EPHA3: variants seen among roughly 807,000 people sequenced by gnomAD.
The protein encoded by EPHA3 is ephrin type-A receptor 3.
A neutral mutation model predicts 107.1 loss-of-function variants in EPHA3; 42 were observed. The observed-to-expected ratio is 0.39, with a 90% CI of 0.31 to 0.51. EPHA3 has a LOEUF of 0.51. Among genes scored for constraint, EPHA3 ranks in the 20% least tolerant of loss-of-function variants. The pLI, the probability that EPHA3 is intolerant of heterozygous loss-of-function variation, is 0.78. For missense variants in EPHA3, 1,183 were observed against 1,211.2 expected (o/e 0.98, Z 0.35); for synonymous variants, 461 against 424.8 (o/e 1.09, Z -1.05).
chr3:89,352,410 T>A (rs1217514955), intron 5 of EPHA3, among the ~76,000 whole-genome samples: 2 of 151,410 alleles, frequency 1.3e-5, no homozygotes, highest in African/African-American at 4.8e-5. Context: ...ATTTTTGACC[T>A]TTAAGACCAC....
At chr3:89,184,983 C>G (rs1705530638) in intron 2 of EPHA3, among the ~76,000 whole-genome samples, 1 of 151,898 alleles carries the variant, frequency 6.6e-6, no homozygotes, top group Non-Finnish European at 1.5e-5. Context: ...ATTAAAAAGC[C>G]AACTTCTTAT....
At chr3:89,368,003 A>G (rs1708217038) in intron 5 of EPHA3, among the ~76,000 whole-genome samples, 1 of 150,472 alleles carries the variant, frequency 6.6e-6, no homozygotes. Context: ...TGACCAAGGC[A>G]TGGCTCACAT....
chr3:89,365,793 C>G (rs1409095447), intron 5 of EPHA3, among the ~76,000 whole-genome samples: 1 of 150,714 alleles, frequency 6.6e-6, no homozygotes, highest in African/African-American at 2.4e-5. Context: ...TCTGCCTCCA[C>G]TTTCCCTTGA....
At chr3:89,180,376 G>A (rs919580150) in intron 2 of EPHA3, among the ~76,000 whole-genome samples, 4 of 151,672 alleles carry the variant, frequency 2.6e-5, no homozygotes, top group African/African-American at 9.7e-5. Context: ...TGATTTTCAA[G>A]TCTGTGTGTA....
At chr3:89,456,643 G>A (rs1189177378) in intron 15 of EPHA3, among the ~76,000 whole-genome samples, 1 of 152,138 alleles carries the variant, frequency 6.6e-6, no homozygotes, top group Non-Finnish European at 1.5e-5. Flanking sequence ...TGGAAGTGGG[G>A]AAGGTGGAAA....
At chr3:89,322,936 G>T (rs1336729495) in intron 3 of EPHA3, among the ~76,000 whole-genome samples, 1 of 151,576 alleles carries the variant, frequency 6.6e-6, no homozygotes, top group Admixed American at 6.6e-5. Flanking sequence ...AGTAGGGTGT[G>T]GCAAAGGACT....
chr3:89,208,572 AAG>A (rs1010430350), intron 2 of EPHA3, among the ~76,000 whole-genome samples: 10 of 138,096 alleles, frequency 7.2e-5, no homozygotes, highest in Non-Finnish European at 1.1e-4. Context: ...GATAAAAAGA[AAG>A]AGAAAGAAAG....
At position 89,236,812 on chromosome 3, in the gene EPHA3, T is replaced by A. The variant is rs1303044441; in HGVS notation, c.814+26292T>A. Among the ~76,000 whole-genome samples the A allele has an allele frequency of 3.9e-5, 6 of 152,328 alleles. No homozygotes were observed. The South Asian group carries it at 1.0e-3, about 26-fold the overall frequency. On this transcript the variant is annotated intron_variant, in intron 3 of 16. Transcript: ENST00000336596. ...AAAATTAAAGAAAGCTACATTTTTT[T>A]ATATCTAAAAGCAAAATTACCATGT...
chr3:89,189,169 G>T (rs1278991654), intron 2 of EPHA3, among the ~76,000 whole-genome samples: 3 of 152,164 alleles, frequency 2.0e-5, no homozygotes, highest in Admixed American at 6.5e-5. Flanking sequence ...GGGAAGGATT[G>T]TCCTTACCTT....
intron 2 of EPHA3, among the ~76,000 whole-genome samples, chr3:89,182,010 C>CCTTACTTATCTGTTTCATCCTTACTTAT (rs1705453326): frequency 6.6e-6 from 1 of 150,404 alleles, no homozygotes; most frequent in Admixed American, 6.7e-5. Context: ...TCATTTTCAT[C>CCTTACTTATCTGTTTCATCCTTACTTAT]CTTACTTATC....
chr3:89,258,289 G>A (rs1312705444), intron 3 of EPHA3, among the ~76,000 whole-genome samples: 1 of 152,162 alleles, frequency 6.6e-6, no homozygotes, highest in Non-Finnish European at 1.5e-5. Context: ...GAAACGACAA[G>A]CAAGTGTGAT....
intron 2 of EPHA3, among the ~76,000 whole-genome samples, chr3:89,144,598 A>T (rs1316292807): frequency 2.0e-5 from 3 of 151,744 alleles, no homozygotes; most frequent in African/African-American, 7.2e-5. Flanking sequence ...ATTTCTTTTC[A>T]TATTATCACT....
intron 3 of EPHA3, among the ~76,000 whole-genome samples, chr3:89,265,037 A>G (rs1464616160): frequency 1.3e-5 from 2 of 152,192 alleles, no homozygotes; most frequent in Non-Finnish European, 2.9e-5. Flanking sequence ...AATTGCAGAC[A>G]TTTAAAAATT....
chr3:89,422,537 G>T (rs146400494), intron 11 of EPHA3, among the ~76,000 whole-genome samples: 1 of 151,020 alleles, frequency 6.6e-6, no homozygotes, highest in Non-Finnish European at 1.5e-5. Context: ...TCATTTCTTC[G>T]CTTGTAACAA....
intron 3 of EPHA3, among the ~76,000 whole-genome samples, chr3:89,251,681 CAAT>C (rs1187198081): frequency 2.0e-5 from 3 of 151,974 alleles, no homozygotes; most frequent in Non-Finnish European, 4.4e-5. Context: ...GTGCAATTCA[CAAT>C]AATATTCAAA....
intron 6 of EPHA3, among the ~76,000 whole-genome samples, chr3:89,398,811 T>C (rs1482772454): frequency 3.9e-5 from 6 of 152,170 alleles, no homozygotes; most frequent in Non-Finnish European, 1.5e-5. Flanking sequence ...ATTGGGAAAT[T>C]CTGTAAATAT....
In EPHA3 at chr3:89,362,813, C is replaced by A. The variant is rs1201891004; in HGVS notation, c.1306+20723C>A. On this transcript the variant is annotated intron_variant, in intron 5 of 16. Coordinates refer to ENST00000336596, the MANE Select transcript of EPHA3 (RefSeq NM_005233.6). Reference sequence around the variant, plus strand: ...AGCACAATGAGAACCAAAGATATCTCCAATAAATGAAGTTTTACTTCTTCC... The same window carrying A: ...AGCACAATGAGAACCAAAGATATCTACAATAAATGAAGTTTTACTTCTTCC... Among the ~76,000 whole-genome samples, 8 of 150,834 alleles carry A rather than the reference C, an allele frequency of 5.3e-5. No homozygotes were observed. The Admixed American group carries it at 5.3e-4, about 10-fold the overall frequency.
At chr3:89,475,078 C>A (rs1710480794) in intron 16 of EPHA3, among the ~76,000 whole-genome samples, 1 of 152,294 alleles carries the variant, frequency 6.6e-6, no homozygotes, top group African/African-American at 2.4e-5. Flanking sequence ...TTGAAAGGAG[C>A]TGCTTTTTTC....
intron 6 of EPHA3, among the ~76,000 whole-genome samples, chr3:89,398,442 A>T (rs1208110711): frequency 6.6e-6 from 1 of 152,216 alleles, no homozygotes; most frequent in Non-Finnish European, 1.5e-5. Flanking sequence ...TTTGGGAAGC[A>T]TTTCTAGCCT....
Sources: gnomAD v4.1 joint callset for allele counts (sites outside exome capture counted in the v4.1 genomes callset) on GRCh38, gnomAD v4.1.1 for gene constraint, MANE v1.5 for transcripts, NCBI Gene and HGNC (gene_info 2026-07-23, HGNC 2026-07-21) for gene names.